The following COL26A1 variants were observed in gnomAD, a reference collection of about 807,000 sequenced individuals.
The protein encoded by COL26A1 is collagen type XXVI alpha 1 chain.
Under a neutral mutation model 59.3 loss-of-function variants are expected in COL26A1, and 41 were observed. The observed-to-expected ratio is 0.69, with a 90% CI of 0.54 to 0.90. The LOEUF (loss-of-function observed/expected upper bound fraction) is 0.90, where lower values mean the gene tolerates loss of function less well. Among genes scored for constraint, COL26A1 ranks in the 40% least tolerant of loss-of-function variants. COL26A1 has a pLI of 0.00. For missense variants in COL26A1, 612 were observed against 602.3 expected (o/e 1.02, Z -0.17); for synonymous variants, 266 against 256.0 (o/e 1.04, Z -0.37).
intron 3 of COL26A1, among the ~76,000 whole-genome samples, chr7:101,491,895 G>A (rs1348722547): frequency 6.6e-6 from 1 of 152,140 alleles, no homozygotes; most frequent in African/African-American, 2.4e-5. Flanking sequence ...ATTTTGCCTA[G>A]CTCCTATTTA....
chr7:101,494,562 TGGCTAA>T (rs1206965189), intron 3 of COL26A1, among the ~76,000 whole-genome samples: 1 of 152,286 alleles, frequency 6.6e-6, no homozygotes, highest in Non-Finnish European at 1.5e-5. Flanking sequence ...CCTTGGACCC[TGGCTAA>T]GAGCCTAGGT....
chr7:101,456,173 T>A (rs144067799), intron 3 of COL26A1, among the ~76,000 whole-genome samples: 40,273 of 117,498 alleles, frequency 0.34, 5,866 homozygotes, highest in Middle Eastern at 0.42. Flanking sequence ...TATATATTTT[T>A]TTTTTAATGG....
At chr7:101,544,130 A>C in intron 6 of COL26A1, 34 bp downstream of exon 6, 1 of 1,515,228 alleles carries the variant, frequency 6.6e-7, no homozygotes, top group Non-Finnish European at 9.0e-7. Context: ...GATGTTGTCA[A>C]CCTGCGGAAG....
intron 3 of COL26A1, among the ~76,000 whole-genome samples, chr7:101,475,089 G>C (rs756620051): frequency 5.9e-5 from 9 of 152,062 alleles, no homozygotes; most frequent in Admixed American, 1.3e-4. Context: ...CCAGCTACTC[G>C]GGAGGCTGAG....
intron 3 of COL26A1, among the ~76,000 whole-genome samples, chr7:101,458,591 G>A (rs1793533770): frequency 6.6e-6 from 1 of 152,038 alleles, no homozygotes; most frequent in Non-Finnish European, 1.5e-5. Flanking sequence ...AGTGAGCCAA[G>A]TGAGCCAAGA....
chr7:101,511,057 T>A (rs113495149), intron 3 of COL26A1, among the ~76,000 whole-genome samples: 2 of 151,702 alleles, frequency 1.3e-5, no homozygotes, highest in African/African-American at 2.4e-5. Context: ...CCCACCACCA[T>A]GCCTGGCTAA....
chr7:101,489,806 CTTT>C (rs1563007982), intron 3 of COL26A1, among the ~76,000 whole-genome samples: 170 of 3,044 alleles, frequency 0.056, 17 homozygotes, highest in Non-Finnish European at 0.076. Flanking sequence ...TTCTTTCTTT[CTTT>C]CTTTCTTTCT....
intron 1 of COL26A1, among the ~76,000 whole-genome samples, chr7:101,377,147 C>T (rs1159701667): frequency 6.6e-6 from 1 of 152,126 alleles, no homozygotes; most frequent in Non-Finnish European, 1.5e-5. Context: ...GCCTGAGCCA[C>T]TGTGCCTGGC....
At chr7:101,409,522 C>T (rs980416166) in intron 1 of COL26A1, among the ~76,000 whole-genome samples, 4 of 152,176 alleles carry the variant, frequency 2.6e-5, no homozygotes, top group African/African-American at 4.8e-5. Context: ...GCCATGCCAC[C>T]GACTGGGTGG....
chr7:101,396,945 C>T (rs1791869593), intron 1 of COL26A1, among the ~76,000 whole-genome samples: 2 of 152,104 alleles, frequency 1.3e-5, no homozygotes. Context: ...CCTTCAGCAG[C>T]CCAGGCCTGG....
intron 3 of COL26A1, among the ~76,000 whole-genome samples, chr7:101,488,350 AT>A (rs1794312529): frequency 1.4e-4 from 2 of 14,716 alleles, no homozygotes; most frequent in East Asian, 1.0e-3. Flanking sequence ...ATTTTATTTA[AT>A]ATATATATAT....
At chr7:101,384,755 C>T (rs889842786) in intron 1 of COL26A1, among the ~76,000 whole-genome samples, 1 of 152,074 alleles carries the variant, frequency 6.6e-6, no homozygotes, top group African/African-American at 2.4e-5. Flanking sequence ...AGAATTGACT[C>T]ATGCAATCAC....
chr7:101,362,691 A>C, upstream of COL26A1: 2 of 343,084 alleles, frequency 5.8e-6, no homozygotes, highest in Non-Finnish European at 1.1e-5. Context: ...CCTGGGCGCG[A>C]GGTCTGGCTT....
intron 2 of COL26A1, among the ~76,000 whole-genome samples, chr7:101,427,371 ATT>A (rs201293015): frequency 2.0e-5 from 3 of 151,720 alleles, no homozygotes; most frequent in African/African-American, 7.2e-5. Flanking sequence ...TTAATTAAAA[ATT>A]TTTTTTGGCG....
intron 3 of COL26A1, among the ~76,000 whole-genome samples, chr7:101,502,591 G>A (rs1296613865): frequency 6.6e-6 from 1 of 152,144 alleles, no homozygotes; most frequent in East Asian, 1.9e-4. Context: ...GAGAACACAG[G>A]ACCGGGGCCG....
At chr7:101,407,875 C>T (rs760777414) in intron 1 of COL26A1, among the ~76,000 whole-genome samples, 10 of 152,050 alleles carry the variant, frequency 6.6e-5, no homozygotes, top group African/African-American at 1.2e-4. Flanking sequence ...AATTAAGGGG[C>T]GGGTTATACA....
chr7:101,428,914 TTTTC>T (rs991634757), intron 2 of COL26A1, among the ~76,000 whole-genome samples: 3 of 150,384 alleles, frequency 2.0e-5, no homozygotes, highest in Non-Finnish European at 3.0e-5. Context: ...TCAATTTTCT[TTTTC>T]TTTCTTTCTT....
chr7:101,381,741 T>A (rs1307756434), intron 1 of COL26A1, among the ~76,000 whole-genome samples: 38 of 152,210 alleles, frequency 2.5e-4, no homozygotes, highest in Admixed American at 2.5e-3. Context: ...GGGATTAAGT[T>A]TCTAATGTGT....
At chr7:101,527,272 G>GCT (rs576929856) in intron 3 of COL26A1, among the ~76,000 whole-genome samples, 5,847 of 151,466 alleles carry the variant, frequency 0.039, 189 homozygotes, top group African/African-American at 0.089. Context: ...CACCTGGCCT[G>GCT]CTCTCTCTCT....
Sources: gnomAD v4.1 joint callset for allele counts (sites outside exome capture counted in the v4.1 genomes callset) on GRCh38, gnomAD v4.1.1 for gene constraint, MANE v1.5 for transcripts, NCBI Gene and HGNC (gene_info 2026-07-23, HGNC 2026-07-21) for gene names.